UVRAG: variants seen among roughly 807,000 people sequenced by gnomAD.
UVRAG encodes the protein UV radiation resistance associated.
UVRAG carries 19 observed loss-of-function variants against 78.0 expected under a neutral mutation model. The ratio of observed to expected loss-of-function variants is 0.24; its 90% CI spans 0.17 to 0.36. UVRAG has a LOEUF of 0.36. UVRAG is among the 10% of genes least tolerant of loss of function. The pLI, the probability that UVRAG is intolerant of heterozygous loss-of-function variation, is 1.00. For missense variants in UVRAG, 740 were observed against 853.8 expected (o/e 0.87, Z 1.66); for synonymous variants, 323 against 324.6 (o/e 1.00, Z 0.05).
intron 1 of UVRAG, among the ~76,000 whole-genome samples, chr11:75,817,869 C>A (rs891603029): frequency 6.7e-6 from 1 of 150,242 alleles, no homozygotes; most frequent in East Asian, 1.9e-4. Flanking sequence ...CATGCTGAAA[C>A]CCTGTCTCTA....
intron 8 of UVRAG, among the ~76,000 whole-genome samples, chr11:75,997,284 G>A (rs959320338): frequency 6.6e-6 from 1 of 152,212 alleles, no homozygotes; most frequent in African/African-American, 2.4e-5. Context: ...GCTGGCCATT[G>A]GCCAGTCTCA....
chr11:75,988,832 C>T (rs1949548893), intron 8 of UVRAG, among the ~76,000 whole-genome samples: 1 of 152,034 alleles, frequency 6.6e-6, no homozygotes, highest in Admixed American at 6.6e-5. Context: ...AGCATCTTTT[C>T]TTGTGCTTAT....
intron 13 of UVRAG, among the ~76,000 whole-genome samples, chr11:76,093,104 G>A (rs1370192039): frequency 2.0e-5 from 3 of 152,120 alleles, no homozygotes; most frequent in Non-Finnish European, 2.9e-5. Flanking sequence ...TCCTTTCCCC[G>A]TTTCTTGTTT....
At chr11:75,884,699 G>A (rs1947038595) in intron 4 of UVRAG, among the ~76,000 whole-genome samples, 1 of 152,068 alleles carries the variant, frequency 6.6e-6, no homozygotes, top group South Asian at 2.1e-4. Flanking sequence ...CATCTTTGTT[G>A]AAAATCAGTA....
chr11:76,076,832 A>ATTTAT (rs113225143), intron 13 of UVRAG, among the ~76,000 whole-genome samples: 27 of 150,448 alleles, frequency 1.8e-4, no homozygotes, highest in African/African-American at 6.4e-4. Flanking sequence ...TTATTTATTT[A>ATTTAT]TTAGAGGCAG....
chr11:76,044,114 A>G (rs1950700436), intron 12 of UVRAG, among the ~76,000 whole-genome samples: 1 of 152,148 alleles, frequency 6.6e-6, no homozygotes, highest in South Asian at 2.1e-4. Context: ...ATGGTCCAAG[A>G]TGGTTGTTGG....
chr11:76,004,000 T>C lies in UVRAG; in HGVS notation c.827-5T>C. On this transcript the variant is annotated splice_polypyrimidine_tract_variant and splice_region_variant and intron_variant, in intron 8 of 14. Transcript: ENST00000356136. ...ATGGAATTATCTCCTTCCTTTTCTTTCTAGGAAGTGCATTTTCAGCTGAGC... is the reference window on the plus strand; with the variant it reads ...ATGGAATTATCTCCTTCCTTTTCTTCCTAGGAAGTGCATTTTCAGCTGAGC... 2 of 1,613,284 alleles carry C rather than the reference T, an allele frequency of 1.2e-6. No homozygotes were observed. Among genetic ancestry groups the C allele is most frequent in the Non-Finnish European group, 1.7e-6 (2 of 1,179,520 alleles).
chr11:75,950,589 C>T (rs1271490269), intron 6 of UVRAG, among the ~76,000 whole-genome samples: 2 of 152,020 alleles, frequency 1.3e-5, no homozygotes, highest in East Asian at 1.9e-4. Context: ...TTGGCTTATA[C>T]GAGAGGTGTA....
intron 5 of UVRAG, among the ~76,000 whole-genome samples, chr11:75,904,036 A>G (rs1947565002): frequency 6.6e-6 from 1 of 152,242 alleles, no homozygotes; most frequent in Non-Finnish European, 1.5e-5. Flanking sequence ...ATATTTTTGT[A>G]TAGCTTGCGA....
chr11:75,880,171 AAGAG>A, intron 4 of UVRAG, 131 bp downstream of exon 4: 6 of 992,790 alleles, frequency 6.0e-6, no homozygotes, highest in Non-Finnish European at 8.8e-6. Context: ...TTATATCACT[AAGAG>A]AGACCTTGAT....
chr11:75,961,962 T>C (rs1192158954), intron 7 of UVRAG, among the ~76,000 whole-genome samples: 1 of 152,188 alleles, frequency 6.6e-6, no homozygotes, highest in Non-Finnish European at 1.5e-5. Flanking sequence ...TGATCTCTTT[T>C]GGGAAATACT....
At chr11:75,992,467 G>A (rs1009214620) in intron 8 of UVRAG, among the ~76,000 whole-genome samples, 6 of 152,148 alleles carry the variant, frequency 3.9e-5, no homozygotes, top group African/African-American at 1.4e-4. Context: ...TAGAAGGTTA[G>A]GATCTAATGT....
At chr11:75,908,664 G>A (rs1287455093) in intron 5 of UVRAG, among the ~76,000 whole-genome samples, 2 of 148,346 alleles carry the variant, frequency 1.3e-5, no homozygotes, top group African/African-American at 2.5e-5. Context: ...AGAAGGATTG[G>A]CATTAAATAA....
chr11:75,831,258 G>A (rs1224607229), intron 1 of UVRAG, among the ~76,000 whole-genome samples: 2 of 152,148 alleles, frequency 1.3e-5, no homozygotes, highest in African/African-American at 4.8e-5. Context: ...GGAGGCTGAG[G>A]CGGGCAGATC....
chr11:76,053,041 C>T (rs868117729), intron 12 of UVRAG, among the ~76,000 whole-genome samples: 5 of 150,974 alleles, frequency 3.3e-5, no homozygotes, highest in South Asian at 4.2e-4. Flanking sequence ...CACTGTGGCT[C>T]ACGCCTGTAA....
chr11:75,832,367 C>T (rs1254559907), intron 1 of UVRAG, among the ~76,000 whole-genome samples: 3 of 152,228 alleles, frequency 2.0e-5, no homozygotes, highest in Non-Finnish European at 2.9e-5. Context: ...TGAAGGTTAC[C>T]ATGACCTTCT....
At chr11:76,010,782 G>T (rs907610287) in intron 11 of UVRAG, among the ~76,000 whole-genome samples, 1 of 152,148 alleles carries the variant, frequency 6.6e-6, no homozygotes, top group African/African-American at 2.4e-5. Flanking sequence ...GGACAGTAAA[G>T]ACCAGACGTG....
intron 4 of UVRAG, among the ~76,000 whole-genome samples, chr11:75,882,512 CAAA>C (rs918321522): frequency 8.0e-6 from 1 of 125,674 alleles, no homozygotes; most frequent in African/African-American, 2.9e-5. Flanking sequence ...GACTCTATCT[CAAA>C]AAAAAAAAAA....
At chr11:75,857,135 A>G (rs901231639) in intron 2 of UVRAG, among the ~76,000 whole-genome samples, 3 of 152,220 alleles carry the variant, frequency 2.0e-5, no homozygotes, top group Admixed American at 2.0e-4. Context: ...TTGTCTGCTC[A>G]TGCAACTCCG....
Sources: allele counts gnomAD v4.1 joint callset (sites outside exome capture counted in the v4.1 genomes callset), GRCh38; gene constraint gnomAD v4.1.1; transcripts MANE v1.5; gene names NCBI Gene and HGNC (gene_info 2026-07-23, HGNC 2026-07-21).